DPY19L2: variants seen among roughly 807,000 people sequenced by gnomAD.
DPY19L2 encodes dpy-19 like 2, also known as probable C-mannosyltransferase DPY19L2.
In DPY19L2, 34 loss-of-function variants were observed where a neutral mutation model predicts 97.9. The observed-to-expected ratio is 0.35, with a 90% CI of 0.26 to 0.46. The LOEUF (loss-of-function observed/expected upper bound fraction) is 0.46, where lower values mean the gene tolerates loss of function less well. Among genes scored for constraint, DPY19L2 ranks in the 20% least tolerant of loss-of-function variants. The probability of loss-of-function intolerance (pLI) is 1.00; values close to 1 mark genes in which losing one functional copy is unlikely to be tolerated. For missense variants in DPY19L2, 623 were observed against 911.4 expected (o/e 0.68, Z 4.07); for synonymous variants, 230 against 307.9 (o/e 0.75, Z 2.65).
chr12:63,658,282 G>T (rs1296929819), intron 4 of DPY19L2, among the ~76,000 whole-genome samples: 1 of 152,112 alleles, frequency 6.6e-6, no homozygotes, highest in African/African-American at 2.4e-5. Context: ...ATCACTGGAG[G>T]CCAGGAGTTT....
chr12:63,561,208 G>A (rs1876432457), intron 21 of DPY19L2, among the ~76,000 whole-genome samples: 1 of 152,072 alleles, frequency 6.6e-6, no homozygotes, highest in African/African-American at 2.4e-5. Context: ...GAGTAATCCT[G>A]CATGGCAGTC....
chr12:63,630,364 A>G (rs1368169785), intron 6 of DPY19L2, among the ~76,000 whole-genome samples: 2 of 152,212 alleles, frequency 1.3e-5, no homozygotes, highest in African/African-American at 2.4e-5. Context: ...ATAAAGGGAC[A>G]GAGGAAGATC....
intron 4 of DPY19L2, among the ~76,000 whole-genome samples, chr12:63,647,865 G>A (rs900909270): frequency 7.2e-5 from 11 of 152,102 alleles, no homozygotes; most frequent in Admixed American, 3.3e-4. Flanking sequence ...TATGAGTTCC[G>A]TGGGCTCTCT....
chr12:63,666,223 T>C (rs1896322166), intron 1 of DPY19L2, among the ~76,000 whole-genome samples: 1 of 152,132 alleles, frequency 6.6e-6, no homozygotes, highest in Admixed American at 6.5e-5. Context: ...ATATACAGTA[T>C]GCTTCAGGTA....
intron 16 of DPY19L2, among the ~76,000 whole-genome samples, chr12:63,587,557 A>AATT (rs201195590): frequency 0.062 from 8,435 of 135,854 alleles, 286 homozygotes; most frequent in African/African-American, 0.069. Context: ...CATTTTTAAA[A>AATT]ATTATTATTA....
chr12:63,615,925 A>G (rs1185686780), intron 11 of DPY19L2, among the ~76,000 whole-genome samples: 4 of 152,000 alleles, frequency 2.6e-5, no homozygotes, highest in Non-Finnish European at 4.4e-5. Flanking sequence ...GCAGATAGAA[A>G]ATATTTGAAA....
chr12:63,622,192 T>C (rs1477295607), intron 8 of DPY19L2, among the ~76,000 whole-genome samples: 1 of 152,176 alleles, frequency 6.6e-6, no homozygotes, highest in East Asian at 1.9e-4. Context: ...CCCTCAATGA[T>C]ACAACCCTAA....
At position 63,661,355 on chromosome 12, in the gene DPY19L2, G is replaced by T. The variant is rs772493053; in HGVS notation, c.577C>A (p.Leu193Ile). ...LIINAIKRFH[L>I]YPEVIIASWY... The stretch of plus-strand genomic sequence containing the variant: ...AAATTATGACTCACCTCTGGATAAA[G>T]ATGGAAGCGTTTTATTGCATTAATT... The change falls in exon 4 of 22, where the codon CTT becomes ATT. Residue 193 changes from leucine to isoleucine, a missense_variant. Leu to Ile is a conservative substitution (Grantham distance 5, BLOSUM62 2). Coordinates refer to ENST00000324472, the MANE Select transcript of DPY19L2 (RefSeq NM_173812.5). 4.4e-6 allele frequency: 7 copies of T among 1,580,532 alleles called. No homozygotes were observed. The Admixed American group carries it at 1.4e-4, about 32-fold the overall frequency.
intron 6 of DPY19L2, among the ~76,000 whole-genome samples, chr12:63,636,507 T>C (rs1325376053): frequency 3.3e-5 from 5 of 152,064 alleles, no homozygotes; most frequent in Non-Finnish European, 7.4e-5. Flanking sequence ...TCAAGACCCA[T>C]CATTGTGCTG....
chr12:63,610,947 A>T (rs1239639237), intron 11 of DPY19L2, among the ~76,000 whole-genome samples: 1 of 150,708 alleles, frequency 6.6e-6, no homozygotes, highest in Non-Finnish European at 1.5e-5. Flanking sequence ...CAAAGAATAA[A>T]TACAAATGTC....
chr12:63,559,414 T>C lies in DPY19L2; in HGVS notation c.*1098A>G, dbSNP rs1451635015. On this transcript the variant is annotated 3_prime_UTR_variant, in exon 22 of 22. Transcript: ENST00000324472. ...ATTAAAATACTATAGATCTGGCATA[T>C]TTCATATTTATAAAGCAGACAAAAA... The C allele has an allele frequency of 3.3e-5, 5 of 152,588 alleles. No homozygotes were observed. The highest frequency in any genetic ancestry group is 7.4e-5 in the Non-Finnish European group (5 of 68,010). 9.5% of individuals were successfully genotyped at this position (152,588 alleles called of 1,614,324 possible).
intron 6 of DPY19L2, among the ~76,000 whole-genome samples, chr12:63,631,694 A>C (rs1175014838): frequency 6.6e-6 from 1 of 152,114 alleles, no homozygotes; most frequent in Non-Finnish European, 1.5e-5. Context: ...AAAAGAGGGA[A>C]TCCTCCCTAA....
chr12:63,642,042 T>G (rs1892775418), intron 6 of DPY19L2, among the ~76,000 whole-genome samples: 1 of 152,124 alleles, frequency 6.6e-6, no homozygotes, highest in Admixed American at 6.5e-5. Context: ...TATTGACCAT[T>G]TGGTGTTCTT....
intron 19 of DPY19L2, among the ~76,000 whole-genome samples, chr12:63,572,731 GAA>G: frequency 6.6e-6 from 1 of 151,980 alleles, no homozygotes; most frequent in Non-Finnish European, 1.5e-5. Context: ...TTAGCACAGA[GAA>G]AGAGAGAGAG....
At chr12:63,643,625 A>G (rs576235571) in intron 6 of DPY19L2, among the ~76,000 whole-genome samples, 1 of 152,322 alleles carries the variant, frequency 6.6e-6, no homozygotes, top group South Asian at 2.1e-4. Context: ...AAAGATAAGC[A>G]TCTGTTGGCA....
rs571007313 is a variant in DPY19L2, at chr12:63,561,873, T to C, written c.2127-1211A>G. On this transcript the variant is annotated intron_variant, in intron 21 of 21. Transcript: ENST00000324472. ...TCTTTATAAGCAAGTTCAAAACTCT[T>C]TTCCAGAGTAGATGCGCCATTTTCC... is the stretch of plus-strand genomic sequence containing the variant. Among the ~76,000 whole-genome samples, 3 of 152,286 alleles carry C rather than the reference T, an allele frequency of 2.0e-5. No homozygotes were observed. In the East Asian group the frequency reaches 5.8e-4, roughly 29 times the overall value.
intron 6 of DPY19L2, among the ~76,000 whole-genome samples, chr12:63,628,179 G>C (rs1252627651): frequency 1.3e-5 from 2 of 152,150 alleles, no homozygotes; most frequent in African/African-American, 4.8e-5. Flanking sequence ...TCCAACTGAG[G>C]TACTGTGTTT....
intron 3 of DPY19L2, among the ~76,000 whole-genome samples, chr12:63,663,440 A>G (rs1366025038): frequency 6.6e-6 from 1 of 152,210 alleles, no homozygotes; most frequent in African/African-American, 2.4e-5. Flanking sequence ...AACTGTAGCC[A>G]AAGAGAAGGC....
chr12:63,638,652 C>A (rs151329809), intron 6 of DPY19L2, among the ~76,000 whole-genome samples: 1 of 152,030 alleles, frequency 6.6e-6, no homozygotes, highest in Admixed American at 6.5e-5. Flanking sequence ...ACAAGGGATG[C>A]GAAGGACCTC....
Sources: gnomAD v4.1 joint callset for allele counts (sites outside exome capture counted in the v4.1 genomes callset) on GRCh38, gnomAD v4.1.1 for gene constraint, MANE v1.5 for transcripts, NCBI Gene and HGNC (gene_info 2026-07-23, HGNC 2026-07-21) for gene names.